Variants in UTRN observed in about 807,000 individuals in gnomAD.
UTRN encodes the protein dystrophin-related protein 1.
In UTRN, 283 loss-of-function variants were observed where a neutral mutation model predicts 463.9. The ratio of observed to expected loss-of-function variants is 0.61; its 90% CI spans 0.55 to 0.67. The LOEUF is 0.67. Among genes scored for constraint, UTRN ranks in the 30% least tolerant of loss-of-function variants. The pLI is 0.00. For synonymous variants in UTRN, 1,442 were observed against 1,431.5 expected, an observed-to-expected ratio of 1.01 and a Z score of -0.17; for missense variants, 3,922 against 4,084.3, an observed-to-expected ratio of 0.96 and a Z score of 1.08.
intron 57 of UTRN, among the ~76,000 whole-genome samples, chr6:144,755,867 G>A (rs1416706160): frequency 6.6e-6 from 1 of 151,902 alleles, no homozygotes. Context: ...TTGATAAACT[G>A]CCTTACCTCA....
intron 34 of UTRN, among the ~76,000 whole-genome samples, chr6:144,501,879 C>A: frequency 6.6e-6 from 1 of 152,102 alleles, no homozygotes; most frequent in East Asian, 1.9e-4. Flanking sequence ...TACTTGACAT[C>A]ATGTTTTGGT....
Position 144,435,451 on chromosome 6 carries a change from A to G in UTRN, c.856-484A>G, listed in dbSNP as rs572018296. 2.2e-4 allele frequency among the ~76,000 whole-genome samples: 34 copies of G among 152,316 alleles called. 2 individuals are homozygous for G. The South Asian group carries it at 6.0e-3, about 27-fold the overall frequency. ...GCTGTCTTTTAGTGTCTAAAATGCA[A>G]TGCTAAAATGCAGTTCAGCAAAAGC... On this transcript the variant is annotated intron_variant, in intron 9 of 74. Coordinates refer to ENST00000367545, the MANE Select transcript of UTRN (RefSeq NM_007124.3).
intron 51 of UTRN, among the ~76,000 whole-genome samples, chr6:144,650,526 A>G (rs539983111): frequency 3.9e-5 from 6 of 152,304 alleles, no homozygotes; most frequent in Middle Eastern, 3.4e-3. Context: ...ATTTCTGGGG[A>G]TACGTCAATG....
At chr6:144,772,016 GTTTTTTTTTTTTTTTTTTTTTTT>G (rs748399313) in intron 59 of UTRN, 48 bp downstream of exon 59, 23 of 127,558 alleles carry the variant, frequency 1.8e-4, no homozygotes, top group South Asian at 3.9e-4. Context: ...CTGAGAACCG[GTTTTTTTTTTTTTTTTTTTTTTT>G]TTTTTTTTTT....
intron 52 of UTRN, among the ~76,000 whole-genome samples, chr6:144,685,125 T>C (rs1479077316): frequency 6.6e-6 from 1 of 152,196 alleles, no homozygotes; most frequent in African/African-American, 2.4e-5. Flanking sequence ...TGAGATCATG[T>C]AGTGTTTGGT....
At chr6:144,793,690 T>G in intron 62 of UTRN, 144 bp from the exon 63 acceptor site, 1 of 954,572 alleles carries the variant, frequency 1.0e-6, no homozygotes, top group Non-Finnish European at 1.5e-6. Context: ...TTAAGGTCAT[T>G]GGAATTCAGG....
intron 2 of UTRN, among the ~76,000 whole-genome samples, chr6:144,393,288 G>C (rs1326893486): frequency 1.3e-5 from 2 of 152,260 alleles, no homozygotes; most frequent in African/African-American, 4.8e-5. Flanking sequence ...CAACATGCTA[G>C]AAATTACATC....
At chr6:144,528,842 G>A (rs1212520669) in intron 41 of UTRN, among the ~76,000 whole-genome samples, 4 of 152,214 alleles carry the variant, frequency 2.6e-5, no homozygotes, top group Non-Finnish European at 4.4e-5. Context: ...AGGATTAGGC[G>A]GCAGGCAGGG....
At chr6:144,813,492 GT>G (rs1295310764) in intron 65 of UTRN, among the ~76,000 whole-genome samples, 4 of 152,286 alleles carry the variant, frequency 2.6e-5, no homozygotes, top group African/African-American at 9.6e-5. Context: ...CTGGCCCAGA[GT>G]TTTTCCATGT....
At chr6:144,800,811 G>A (rs528662987) in intron 64 of UTRN, among the ~76,000 whole-genome samples, 1 of 152,252 alleles carries the variant, frequency 6.6e-6, no homozygotes, top group African/African-American at 2.4e-5. Flanking sequence ...AAGTGGAAAT[G>A]CCAGAAAAAC....
intron 51 of UTRN, among the ~76,000 whole-genome samples, chr6:144,671,988 C>T (rs1426307721): frequency 6.6e-6 from 1 of 152,066 alleles, no homozygotes; most frequent in African/African-American, 2.4e-5. Flanking sequence ...TAAACCATCC[C>T]TGCATCCCTG....
chr6:144,789,309 GT>G, intron 62 of UTRN, 30 bp downstream of exon 62: 1 of 1,495,340 alleles, frequency 6.7e-7, no homozygotes, highest in Non-Finnish European at 9.2e-7. Context: ...TACCAACAGT[GT>G]TTTTAGTAAT....
At chr6:144,703,704 C>T (rs1262040452) in intron 53 of UTRN, among the ~76,000 whole-genome samples, 2 of 152,078 alleles carry the variant, frequency 1.3e-5, no homozygotes, top group Admixed American at 6.6e-5. Flanking sequence ...TTAATCATCT[C>T]GAGACCATCT....
chr6:144,750,082 T>A (rs1207826549), intron 55 of UTRN, among the ~76,000 whole-genome samples: 1 of 152,170 alleles, frequency 6.6e-6, no homozygotes, highest in African/African-American at 2.4e-5. Context: ...CTTGAAGGAT[T>A]TGAATTCTGT....
chr6:144,586,413 A>C (rs1802468632), intron 51 of UTRN, among the ~76,000 whole-genome samples: 1 of 152,106 alleles, frequency 6.6e-6, no homozygotes, highest in African/African-American at 2.4e-5. Context: ...TGCCCTGATG[A>C]CCTAAAATCA....
chr6:144,763,483 C>T (rs932841797), intron 58 of UTRN, among the ~76,000 whole-genome samples: 6 of 152,112 alleles, frequency 3.9e-5, no homozygotes, highest in Non-Finnish European at 8.8e-5. Flanking sequence ...TCTTGGGGAG[C>T]GAGTAGTTGA....
intron 2 of UTRN, among the ~76,000 whole-genome samples, chr6:144,360,683 G>A (rs1422606197): frequency 6.6e-6 from 1 of 152,204 alleles, no homozygotes; most frequent in Non-Finnish European, 1.5e-5. Flanking sequence ...GCCAGTGACT[G>A]CTGCTGTAGT....
intron 2 of UTRN, among the ~76,000 whole-genome samples, chr6:144,317,954 G>T (rs1238715050): frequency 2.0e-5 from 3 of 152,048 alleles, no homozygotes; most frequent in Non-Finnish European, 4.4e-5. Context: ...ATAGCTTCCA[G>T]ATGGGATTGT....
intron 17 of UTRN, among the ~76,000 whole-genome samples, chr6:144,450,300 G>A (rs1788135906): frequency 6.6e-6 from 1 of 152,142 alleles, no homozygotes; most frequent in Non-Finnish European, 1.5e-5. Context: ...CCTTCTTGTA[G>A]CTGGTCCATG....
Sources: gnomAD v4.1 joint callset for allele counts (sites outside exome capture counted in the v4.1 genomes callset) on GRCh38, gnomAD v4.1.1 for gene constraint, MANE v1.5 for transcripts, NCBI Gene and HGNC (gene_info 2026-07-23, HGNC 2026-07-21) for gene names.